CHRM3: variants seen among roughly 807,000 people sequenced by gnomAD.
CHRM3 encodes muscarinic acetylcholine receptor M3.
In CHRM3, 11 loss-of-function variants were observed where a neutral mutation model predicts 41.8. That is an observed-to-expected ratio of 0.26 (90% CI 0.17 to 0.44). The LOEUF is 0.44. Ranked by LOEUF, CHRM3 falls within the 20% of genes least tolerant of loss-of-function variation. The probability of loss-of-function intolerance (pLI) is 1.00; values close to 1 mark genes in which losing one functional copy is unlikely to be tolerated. For missense variants in CHRM3, 571 were observed against 745.4 expected (o/e 0.77, Z 2.72); for synonymous variants, 297 against 301.4 (o/e 0.99, Z 0.15).
chr1:239,690,068 C>G (rs200720663), intron 5 of CHRM3, among the ~76,000 whole-genome samples: 55 of 107,780 alleles, frequency 5.1e-4, no homozygotes, highest in African/African-American at 2.0e-3. Flanking sequence ...GAGAGAGAGA[C>G]AGAGAGAGTT....
At chr1:239,457,928 T>G (rs962056694) in intron 1 of CHRM3, among the ~76,000 whole-genome samples, 2 of 152,208 alleles carry the variant, frequency 1.3e-5, no homozygotes, top group Admixed American at 6.5e-5. Context: ...ATCACTTGTT[T>G]CTGTCCATGA....
At chr1:239,434,986 C>A (rs566534715) in intron 1 of CHRM3, among the ~76,000 whole-genome samples, 1 of 152,274 alleles carries the variant, frequency 6.6e-6, no homozygotes, top group African/African-American at 2.4e-5. Context: ...TTGCTTCATG[C>A]CTTCATTATA....
At chr1:239,624,601 T>A (rs1275412232) in intron 3 of CHRM3, among the ~76,000 whole-genome samples, 1 of 151,764 alleles carries the variant, frequency 6.6e-6, no homozygotes, top group African/African-American at 2.4e-5. Flanking sequence ...TGGTAATGCC[T>A]AGGTTTTCTT....
intron 1 of CHRM3, among the ~76,000 whole-genome samples, chr1:239,485,578 C>T (rs777405258): frequency 3.9e-5 from 6 of 152,166 alleles, no homozygotes; most frequent in Admixed American, 2.0e-4. Context: ...CCACACCTGG[C>T]TCCCTATTAT....
intron 5 of CHRM3, among the ~76,000 whole-genome samples, chr1:239,762,142 C>A (rs950332831): frequency 2.6e-5 from 4 of 152,124 alleles, no homozygotes; most frequent in Non-Finnish European, 4.4e-5. Flanking sequence ...AAATCCAGTT[C>A]TTTTAACTCT....
chr1:239,618,748 G>A (rs1358226368), intron 3 of CHRM3, among the ~76,000 whole-genome samples: 9 of 149,056 alleles, frequency 6.0e-5, no homozygotes, highest in Non-Finnish European at 1.3e-4. Flanking sequence ...GGAGGCTGAG[G>A]CAGGAGAATG....
At chr1:239,573,774 A>G (rs1662046211) in intron 3 of CHRM3, among the ~76,000 whole-genome samples, 1 of 152,218 alleles carries the variant, frequency 6.6e-6, no homozygotes, top group African/African-American at 2.4e-5. Context: ...GTGTGTATAT[A>G]TAGTATAATT....
chr1:239,532,557 A>G (rs1572625587), intron 2 of CHRM3, among the ~76,000 whole-genome samples: 2 of 150,726 alleles, frequency 1.3e-5, no homozygotes, highest in East Asian at 2.0e-4. Context: ...CCCGGGAGGC[A>G]GAGGTTGCAG....
chr1:239,553,561 A>G (rs1660068802), intron 3 of CHRM3, among the ~76,000 whole-genome samples: 1 of 152,148 alleles, frequency 6.6e-6, no homozygotes, highest in Non-Finnish European at 1.5e-5. Flanking sequence ...TGAATGATTG[A>G]TGTAAATGCC....
chr1:239,452,719 AT>A (rs1664640764), intron 1 of CHRM3, among the ~76,000 whole-genome samples: 1 of 152,212 alleles, frequency 6.6e-6, no homozygotes, highest in South Asian at 2.1e-4. Flanking sequence ...ACTCATTCCT[AT>A]TTCAGAAAGC....
chr1:239,820,146 G>A lies in CHRM3; in HGVS notation c.-146-7106G>A, dbSNP rs143371705. Reference sequence around the variant, plus strand: ...TCGCTGAAAAATCAGCTCACAATAAGGCACATTAATGGGAAAAAAGTCTTT... The same window carrying A: ...TCGCTGAAAAATCAGCTCACAATAAAGCACATTAATGGGAAAAAAGTCTTT... On this transcript the variant is annotated intron_variant, in intron 5 of 6. Transcript: ENST00000676153. Among the ~76,000 whole-genome samples, 767 of 152,212 alleles carry A rather than the reference G, an allele frequency of 5.0e-3. 3 individuals carry two copies. The highest frequency in any genetic ancestry group is 0.017 in the African/African-American group (702 of 41,536).
At chr1:239,510,981 A>G (rs1000571254) in intron 2 of CHRM3, among the ~76,000 whole-genome samples, 42 of 152,218 alleles carry the variant, frequency 2.8e-4, no homozygotes, top group African/African-American at 9.4e-4. Context: ...ATGAGACTAC[A>G]GCAACGACAG....
chr1:239,545,589 A>G (rs1196928734), intron 2 of CHRM3, 52 bp from the exon 3 acceptor site: 2 of 152,164 alleles, frequency 1.3e-5, no homozygotes, highest in Non-Finnish European at 2.9e-5. Flanking sequence ...TATGCAAATC[A>G]TATGAGATCA....
chr1:239,756,759 G>A (rs1666276598), intron 5 of CHRM3, among the ~76,000 whole-genome samples: 1 of 152,184 alleles, frequency 6.6e-6, no homozygotes, highest in South Asian at 2.1e-4. Flanking sequence ...AGAGTTGACA[G>A]CATAGGTAAA....
At chr1:239,428,052 C>T (rs143584999) in intron 1 of CHRM3, among the ~76,000 whole-genome samples, 3 of 152,192 alleles carry the variant, frequency 2.0e-5, no homozygotes, top group Admixed American at 6.5e-5. Flanking sequence ...GAAAGTTTGC[C>T]GTCCTATATA....
intron 1 of CHRM3, among the ~76,000 whole-genome samples, chr1:239,444,030 A>G (rs934507290): frequency 2.0e-5 from 3 of 152,148 alleles, no homozygotes; most frequent in African/African-American, 2.4e-5. Flanking sequence ...GCTCTTAGTA[A>G]TTGCAGTCAC....
chr1:239,863,157 G>A (rs970752511), intron 6 of CHRM3, among the ~76,000 whole-genome samples: 3 of 152,114 alleles, frequency 2.0e-5, no homozygotes, highest in African/African-American at 7.2e-5. Flanking sequence ...ATTCCTAATG[G>A]GTAACTCATA....
At chr1:239,437,735 G>A (rs571056139) in intron 1 of CHRM3, among the ~76,000 whole-genome samples, 2 of 152,136 alleles carry the variant, frequency 1.3e-5, no homozygotes, top group African/African-American at 4.8e-5. Context: ...GGAGGCAGAG[G>A]AAAGTTGGCA....
intron 4 of CHRM3, among the ~76,000 whole-genome samples, chr1:239,677,243 C>T (rs1658101202): frequency 6.6e-6 from 1 of 152,204 alleles, no homozygotes; most frequent in African/African-American, 2.4e-5. Context: ...GAGAACAAGA[C>T]CAAGCCTCTA....
Sources: allele counts gnomAD v4.1 joint callset (sites outside exome capture counted in the v4.1 genomes callset), GRCh38; gene constraint gnomAD v4.1.1; transcripts MANE v1.5; gene names NCBI Gene and HGNC (gene_info 2026-07-23, HGNC 2026-07-21).